DNMBP: variants seen among roughly 807,000 people sequenced by gnomAD.
DNMBP encodes the protein dynamin binding protein, also known as dynamin-binding protein.
A neutral mutation model predicts 150.0 loss-of-function variants in DNMBP; 87 were observed. The ratio of observed to expected loss-of-function variants is 0.58; its 90% CI spans 0.49 to 0.69. The LOEUF (loss-of-function observed/expected upper bound fraction) is 0.69, where lower values mean the gene tolerates loss of function less well. Among genes scored for constraint, DNMBP ranks in the 30% least tolerant of loss-of-function variants. The probability of loss-of-function intolerance (pLI) is 0.00; values close to 1 mark genes in which losing one functional copy is unlikely to be tolerated. For missense variants in DNMBP, 1,774 were observed against 1,949.0 expected, an observed-to-expected ratio of 0.91 and a Z score of 1.69; for synonymous variants, 711 against 750.4, an observed-to-expected ratio of 0.95 and a Z score of 0.86.
chr10:99,917,584 C>A (rs2039977645), intron 4 of DNMBP, among the ~76,000 whole-genome samples: 1 of 151,960 alleles, frequency 6.6e-6, no homozygotes, highest in South Asian at 2.1e-4. Context: ...ACAGTCAGCC[C>A]CCAACTACCG....
chr10:99,920,074 T>C (rs1251447501), intron 4 of DNMBP, among the ~76,000 whole-genome samples: 1 of 151,416 alleles, frequency 6.6e-6, no homozygotes, highest in Non-Finnish European at 1.5e-5. Context: ...GATTACTATA[T>C]TTCCATTTTT....
chr10:99,898,598 G>A, intron 8 of DNMBP, 145 bp downstream of exon 8: 1 of 849,472 alleles, frequency 1.2e-6, no homozygotes, highest in Non-Finnish European at 1.9e-6. Flanking sequence ...GTTCCCTTGG[G>A]GATAAGTGCT....
At chr10:100,000,377 T>C (rs552101143) in intron 1 of DNMBP, among the ~76,000 whole-genome samples, 3 of 152,256 alleles carry the variant, frequency 2.0e-5, no homozygotes, top group African/African-American at 7.2e-5. Flanking sequence ...GAATGCACTC[T>C]GGGCCCAGAC....
chr10:99,921,506 C>G (rs941356591), intron 4 of DNMBP, among the ~76,000 whole-genome samples: 11 of 152,114 alleles, frequency 7.2e-5, no homozygotes, highest in Non-Finnish European at 1.3e-4. Flanking sequence ...GACCTGTGTA[C>G]TCTGTATGCA....
chr10:99,917,042 T>C (rs1266698521), intron 4 of DNMBP, among the ~76,000 whole-genome samples: 2 of 151,856 alleles, frequency 1.3e-5, no homozygotes, highest in African/African-American at 4.8e-5. Context: ...GTAAATAAAC[T>C]ATGGCATGCC....
At chr10:99,892,910 T>C (rs971791976) in intron 11 of DNMBP, among the ~76,000 whole-genome samples, 1 of 152,050 alleles carries the variant, frequency 6.6e-6, no homozygotes, top group Non-Finnish European at 1.5e-5. Flanking sequence ...CAGAAGTCAA[T>C]AAACTGAGGT....
At position 99,918,645 on chromosome 10, in the gene DNMBP, C is replaced by T. The variant is rs111929226; in HGVS notation, c.2261-9499G>A. 2.5e-3 allele frequency among the ~76,000 whole-genome samples: 367 copies of T among 147,586 alleles called. 5 individuals are homozygous for T. Among genetic ancestry groups the T allele is most frequent in the Middle Eastern group, 0.022 (6 of 270 alleles). On this transcript the variant is annotated intron_variant, in intron 4 of 16. Coordinates refer to ENST00000324109, the MANE Select transcript of DNMBP (RefSeq NM_015221.4). ...GCAGTGGCACAATCTGGGCTCACTG[C>T]AACCTCCGCCTCCCAGGTTCAAACA...
At chr10:99,992,747 C>T (rs1034133242) in intron 1 of DNMBP, among the ~76,000 whole-genome samples, 75 of 152,178 alleles carry the variant, frequency 4.9e-4, no homozygotes, top group African/African-American at 1.7e-3. Flanking sequence ...AGGATGGTCT[C>T]GATCTCATGA....
At chr10:99,930,926 T>G in intron 4 of DNMBP, 1 of 516,062 alleles carries the variant, frequency 1.9e-6, no homozygotes. Flanking sequence ...CGCAGTGAGA[T>G]GTGGAGTTAT....
At chr10:100,002,472 A>C (rs773938348) in intron 1 of DNMBP, among the ~76,000 whole-genome samples, 91 of 152,318 alleles carry the variant, frequency 6.0e-4, no homozygotes, top group Non-Finnish European at 1.0e-3. Flanking sequence ...TTTATGCCTG[A>C]AGTAAAGACC....
rs192052625 is a variant in DNMBP at position 99,988,593 on chromosome 10, A to C, written c.-10-16459T>G. Among the ~76,000 whole-genome samples, 509 of 152,262 alleles carry C rather than the reference A, an allele frequency of 3.3e-3. 3 individuals are homozygous for C. The highest frequency in any genetic ancestry group is 0.01 in the Middle Eastern group (3 of 292). On this transcript the variant is annotated intron_variant, in intron 1 of 16. Coordinates refer to ENST00000324109, the MANE Select transcript of DNMBP (RefSeq NM_015221.4). ...GATCAGTGCATCATTTAACCACCAT[A>C]ATTCACAATTTGTCCCCACTCCTCT...
intron 3 of DNMBP, among the ~76,000 whole-genome samples, chr10:99,964,526 G>A (rs909937449): frequency 6.7e-6 from 1 of 149,714 alleles, no homozygotes; most frequent in African/African-American, 2.5e-5. Context: ...CAGGGGCACT[G>A]GCCACCTGTT....
intron 11 of DNMBP, among the ~76,000 whole-genome samples, chr10:99,891,416 C>G (rs941216665): frequency 6.6e-6 from 1 of 151,810 alleles, no homozygotes; most frequent in Non-Finnish European, 1.5e-5. Flanking sequence ...CGCGAGTGAT[C>G]CGCCAGCCTC....
rs938789739 is a variant in DNMBP, at chr10:99,956,202, C to A, written c.1272G>T (p.Leu424Phe). ...CTGTAGAATAATACTGGCTTTTCTG[C>A]AAGTTGGGATGAAAAGGGACCTGAG... ...SQPQVPFHPN[L>F]QKSQYYSTVG... Residue 424 changes from leucine to phenylalanine, a missense_variant, in exon 4 of 17, where the codon TTG (leucine) becomes TTT (phenylalanine). Physicochemically the swap from Leu to Phe is conservative, Grantham distance 22. Coordinates refer to ENST00000324109, the MANE Select transcript of DNMBP (RefSeq NM_015221.4). 37 of 1,613,834 alleles carry A rather than the reference C, an allele frequency of 2.3e-5. No homozygotes were observed. The highest frequency in any genetic ancestry group is 3.1e-5 in the Non-Finnish European group (37 of 1,180,030).
At chr10:100,001,232 TTAAAAAAAAAAAAAAAAAAAAAA>T (rs1194316633) in intron 1 of DNMBP, among the ~76,000 whole-genome samples, 2 of 26,920 alleles carry the variant, frequency 7.4e-5, no homozygotes, top group African/African-American at 2.6e-4. Context: ...CTCCGTCTCA[TTAAAAAAAAAAAAAAAAAAAAAA>T]AAAAAAAAAA....
At chr10:99,880,762 G>T (rs2804420) in intron 15 of DNMBP, among the ~76,000 whole-genome samples, 152,315 of 152,324 alleles carry the variant, frequency 1, 76,153 homozygotes, top group Middle Eastern at 1. Flanking sequence ...AAGGCTTGAT[G>T]AAGCCTATGT....
At chr10:99,975,452 TAGA>T (rs1049106753) in intron 1 of DNMBP, among the ~76,000 whole-genome samples, 5 of 152,168 alleles carry the variant, frequency 3.3e-5, no homozygotes, top group Non-Finnish European at 5.9e-5. Context: ...ATGGAGTACC[TAGA>T]AGATGTTAAT....
chr10:99,930,078 T>C, intron 4 of DNMBP: 1 of 702,964 alleles, frequency 1.4e-6, no homozygotes, highest in Non-Finnish European at 2.6e-6. Context: ...GATAAATTCC[T>C]TATCTTCATT....
At chr10:100,001,410 G>GTTTTTTTTTTTTTTTTTTTTTTT (rs1346291816) in intron 1 of DNMBP, among the ~76,000 whole-genome samples, 1 of 96,372 alleles carries the variant, frequency 1.0e-5, no homozygotes, top group African/African-American at 3.9e-5. Flanking sequence ...TTTTGTTGTT[G>GTTTTTTTTTTTTTTTTTTTTTTT]TTGTTTTTTT....
Sources: gnomAD v4.1 joint callset for allele counts (sites outside exome capture counted in the v4.1 genomes callset) on GRCh38, gnomAD v4.1.1 for gene constraint, MANE v1.5 for transcripts, NCBI Gene and HGNC (gene_info 2026-07-23, HGNC 2026-07-21) for gene names.